The following CPVL variants were observed in gnomAD, a reference collection of about 807,000 sequenced individuals.
CPVL encodes carboxypeptidase vitellogenic like.
Under a neutral mutation model 63.7 loss-of-function variants are expected in CPVL, and 51 were observed. The ratio of observed to expected loss-of-function variants is 0.80; its 90% confidence interval spans 0.64 to 1.01. The LOEUF (loss-of-function observed/expected upper bound fraction) is 1.01, where lower values mean the gene tolerates loss of function less well. CPVL is among the 50% of genes least tolerant of loss of function. CPVL has a pLI of 0.00. For synonymous variants in CPVL, 195 were observed against 206.0 expected (o/e 0.95, Z 0.46); for missense variants, 530 against 573.1 (o/e 0.92, Z 0.77).
intron 5 of CPVL, among the ~76,000 whole-genome samples, chr7:29,175,796 G>C (rs190746444): frequency 1.1e-4 from 16 of 152,232 alleles, no homozygotes; most frequent in African/African-American, 3.6e-4. Flanking sequence ...AGAAGGGTTA[G>C]GAAGTATTGA....
chr7:29,148,604 G>T (rs998036762), upstream of CPVL: 1 of 152,160 alleles, frequency 6.6e-6, no homozygotes, highest in Admixed American at 6.5e-5. Context: ...AATGAGTTTT[G>T]TAAGTTTGTA....
At chr7:29,062,889 C>T (rs1354553324) in intron 11 of CPVL, among the ~76,000 whole-genome samples, 2 of 152,070 alleles carry the variant, frequency 1.3e-5, no homozygotes, top group Non-Finnish European at 2.9e-5. Context: ...GTTTTTTGTT[C>T]ATTCAAAACA....
At chr7:29,094,662 C>T (rs1426443515) in intron 5 of CPVL, among the ~76,000 whole-genome samples, 1 of 151,988 alleles carries the variant, frequency 6.6e-6, no homozygotes, top group Admixed American at 6.5e-5. Context: ...GACTGGCTAA[C>T]ATGGTGAACA....
rs74506507 is a variant in CPVL, at chr7:29,080,056, G to A, written c.609+6428C>T. Among the ~76,000 whole-genome samples, 437 of 152,132 alleles carry A rather than the reference G, an allele frequency of 2.9e-3. 11 individuals carry two copies. The East Asian group carries it at 0.067, about 23-fold the overall frequency. On this transcript the variant is annotated intron_variant, in intron 7 of 12. Coordinates refer to ENST00000265394, the MANE Select transcript of CPVL (RefSeq NM_031311.5). The stretch of plus-strand genomic sequence containing the variant: ...TGGGAAGATGGCCCTGGAAAACAAC[G>A]GAGGCCAAAGGAGAGTCCCCAGGGC...
At chr7:29,140,268 T>C (rs1157190221) in intron 1 of CPVL, among the ~76,000 whole-genome samples, 1 of 152,158 alleles carries the variant, frequency 6.6e-6, no homozygotes, top group Non-Finnish European at 1.5e-5. Flanking sequence ...GGCAAGACCC[T>C]GTCTCACATC....
At chr7:29,107,144 A>T (rs1319141804) in intron 3 of CPVL, among the ~76,000 whole-genome samples, 1 of 152,248 alleles carries the variant, frequency 6.6e-6, no homozygotes, top group Admixed American at 6.5e-5. Context: ...AAGATTCAAG[A>T]GACCAAGGCA....
At chr7:29,120,840 A>ATT in intron 2 of CPVL, 53 bp downstream of exon 2, 2 of 1,254,254 alleles carry the variant, frequency 1.6e-6, no homozygotes, top group South Asian at 1.3e-5. Context: ...AAAAAAAAAG[A>ATT]GAAACTGTTG....
chr7:29,118,388 T>A (rs971648157), intron 2 of CPVL, among the ~76,000 whole-genome samples: 1 of 152,246 alleles, frequency 6.6e-6, no homozygotes. Flanking sequence ...AATACGTGCA[T>A]GTAATCCAAT....
intron 5 of CPVL, among the ~76,000 whole-genome samples, chr7:29,154,856 G>T (rs1355359067): frequency 6.6e-6 from 1 of 152,102 alleles, no homozygotes; most frequent in Non-Finnish European, 1.5e-5. Context: ...TCACACTGCT[G>T]ATAAAGACAT....
chr7:29,148,372 T>G (rs1335158972), upstream of CPVL: 1 of 152,232 alleles, frequency 6.6e-6, no homozygotes, highest in African/African-American at 2.4e-5. Flanking sequence ...CCCAAAAGTC[T>G]TCCTGCAGTT....
intron 7 of CPVL, among the ~76,000 whole-genome samples, chr7:29,085,083 CA>C (rs1301824524): frequency 6.6e-6 from 1 of 152,184 alleles, no homozygotes. Flanking sequence ...TAGCTCTGCC[CA>C]CAGACTGTCT....
At chr7:29,147,179 C>T, upstream of CPVL, 1 of 626,050 alleles carries the variant, frequency 1.6e-6, no homozygotes, top group Non-Finnish European at 2.7e-6. Context: ...TCGAGCCAGA[C>T]AGTACGGGAG....
chr7:29,157,226 G>A (rs1364565625), intron 5 of CPVL, among the ~76,000 whole-genome samples: 4 of 152,082 alleles, frequency 2.6e-5, no homozygotes, highest in Non-Finnish European at 1.5e-5. Flanking sequence ...CCTCTGAGTG[G>A]GGAGGAAAAA....
At chr7:29,104,522 A>G (rs1427284047) in intron 3 of CPVL, among the ~76,000 whole-genome samples, 1 of 152,150 alleles carries the variant, frequency 6.6e-6, no homozygotes, top group African/African-American at 2.4e-5. Flanking sequence ...TGGCCTCCCA[A>G]CGTACTGGGA....
intron 1 of CPVL, among the ~76,000 whole-genome samples, chr7:29,129,042 T>G (rs1188556609): frequency 6.6e-6 from 1 of 152,194 alleles, no homozygotes; most frequent in African/African-American, 2.4e-5. Flanking sequence ...CTGGAGAGTT[T>G]AGAGCAAGGG....
At chr7:29,041,243 T>C (rs781367278) in intron 11 of CPVL, among the ~76,000 whole-genome samples, 1 of 151,590 alleles carries the variant, frequency 6.6e-6, no homozygotes, top group Non-Finnish European at 1.5e-5. Flanking sequence ...ACCTGGCTAA[T>C]TTTTGTATTT....
intron 12 of CPVL, among the ~76,000 whole-genome samples, chr7:29,024,630 C>CGA (rs1453982239): frequency 2.0e-5 from 3 of 152,042 alleles, no homozygotes; most frequent in Non-Finnish European, 4.4e-5. Context: ...AAGGGAATCC[C>CGA]CATCAGACTA....
intron 1 of CPVL, among the ~76,000 whole-genome samples, chr7:29,188,537 T>A (rs1451544332): frequency 2.0e-5 from 3 of 152,070 alleles, no homozygotes; most frequent in African/African-American, 7.2e-5. Flanking sequence ...TTTTATTTTT[T>A]TTTTAAAAAA....
chr7:29,105,756 G>A (rs1032885984), intron 3 of CPVL, among the ~76,000 whole-genome samples: 2 of 152,122 alleles, frequency 1.3e-5, no homozygotes, highest in African/African-American at 4.8e-5. Flanking sequence ...GACACCCTTG[G>A]GCAAAAGTGA....
Sources: gnomAD v4.1 joint callset for allele counts (sites outside exome capture counted in the v4.1 genomes callset) on GRCh38, gnomAD v4.1.1 for gene constraint, MANE v1.5 for transcripts, NCBI Gene and HGNC (gene_info 2026-07-23, HGNC 2026-07-21) for gene names.